The following CDKAL1 variants were observed in gnomAD, a reference collection of about 807,000 sequenced individuals.
CDKAL1 encodes CDKAL1 threonylcarbamoyladenosine tRNA methylthiotransferase.
A neutral mutation model predicts 68.2 loss-of-function variants in CDKAL1; 32 were observed. That is an observed-to-expected ratio of 0.47 (90% CI 0.35 to 0.63). The LOEUF is 0.63. CDKAL1 is among the 30% of genes least tolerant of loss of function. CDKAL1 has a pLI of 0.00. For synonymous variants in CDKAL1, 234 were observed against 244.3 expected, an observed-to-expected ratio of 0.96 and a Z score of 0.39; for missense variants, 606 against 696.7, an observed-to-expected ratio of 0.87 and a Z score of 1.47.
chr6:20,823,860 A>G (rs1223840680), intron 8 of CDKAL1, among the ~76,000 whole-genome samples: 1 of 152,142 alleles, frequency 6.6e-6, no homozygotes, highest in African/African-American at 2.4e-5. Flanking sequence ...AAATAGAATG[A>G]TGTCTTTTGC....
At chr6:21,168,206 T>G (rs1294664592) in intron 13 of CDKAL1, among the ~76,000 whole-genome samples, 1 of 152,184 alleles carries the variant, frequency 6.6e-6, no homozygotes, top group East Asian at 1.9e-4. Context: ...CTGGGGGCAG[T>G]TGAGAACCTC....
intron 5 of CDKAL1, among the ~76,000 whole-genome samples, chr6:20,733,656 G>C (rs991113195): frequency 2.0e-5 from 3 of 152,166 alleles, no homozygotes; most frequent in African/African-American, 4.8e-5. Flanking sequence ...ATTGTTGAAT[G>C]CAATAAGGTT....
At chr6:21,082,234 G>T (rs1384325655) in intron 12 of CDKAL1, among the ~76,000 whole-genome samples, 4 of 151,676 alleles carry the variant, frequency 2.6e-5, no homozygotes, top group Non-Finnish European at 5.9e-5. Context: ...ATAATGACAT[G>T]CCTTCAGAGA....
At chr6:21,011,514 C>A (rs374897184) in intron 11 of CDKAL1, among the ~76,000 whole-genome samples, 1 of 152,074 alleles carries the variant, frequency 6.6e-6, no homozygotes, top group African/African-American at 2.4e-5. Flanking sequence ...GGTTATAGAC[C>A]GTGTGTCTGG....
intron 5 of CDKAL1, among the ~76,000 whole-genome samples, chr6:20,686,416 C>T (rs545059949): frequency 2.0e-5 from 3 of 152,128 alleles, no homozygotes; most frequent in African/African-American, 4.8e-5. Context: ...CACAGGAGCA[C>T]GAACCCTATT....
chr6:21,112,835 T>C (rs1774191720), intron 13 of CDKAL1, among the ~76,000 whole-genome samples: 1 of 152,136 alleles, frequency 6.6e-6, no homozygotes, highest in South Asian at 2.1e-4. Flanking sequence ...AAAAGCCTAT[T>C]TGGGCCCAGA....
intron 11 of CDKAL1, among the ~76,000 whole-genome samples, chr6:21,018,218 G>A (rs1331979832): frequency 6.6e-6 from 1 of 152,168 alleles, no homozygotes; most frequent in Non-Finnish European, 1.5e-5. Flanking sequence ...TGGACTCATA[G>A]CACTTCTTAT....
chr6:20,847,549 A>G (rs1778421492), intron 9 of CDKAL1, among the ~76,000 whole-genome samples: 3 of 152,190 alleles, frequency 2.0e-5, no homozygotes, highest in Admixed American at 2.0e-4. Flanking sequence ...ACTGCATATA[A>G]TTTTTTTAAA....
intron 10 of CDKAL1, among the ~76,000 whole-genome samples, chr6:20,994,279 G>C (rs895419507): frequency 1.3e-5 from 2 of 152,176 alleles, no homozygotes; most frequent in African/African-American, 4.8e-5. Flanking sequence ...AGGAGTTCGA[G>C]ACCAGCCTGG....
chr6:20,843,421 T>C (rs889448229), intron 8 of CDKAL1, among the ~76,000 whole-genome samples: 2 of 152,068 alleles, frequency 1.3e-5, no homozygotes, highest in African/African-American at 2.4e-5. Flanking sequence ...TTATCTGAAA[T>C]GCTTGGAACC....
At chr6:20,764,418 A>C (rs999978892) in intron 7 of CDKAL1, among the ~76,000 whole-genome samples, 1 of 152,012 alleles carries the variant, frequency 6.6e-6, no homozygotes, top group African/African-American at 2.4e-5. Context: ...AGTTTCACCG[A>C]TTTTCTGTTT....
chr6:21,151,280 C>T (rs1218128669), intron 13 of CDKAL1, among the ~76,000 whole-genome samples: 1 of 152,182 alleles, frequency 6.6e-6, no homozygotes, highest in Non-Finnish European at 1.5e-5. Context: ...AAAGGAGAGG[C>T]AACAATAACT....
At chr6:20,842,329 T>C (rs1778204876) in intron 8 of CDKAL1, among the ~76,000 whole-genome samples, 2 of 152,216 alleles carry the variant, frequency 1.3e-5, no homozygotes, top group South Asian at 4.1e-4. Context: ...GAGTTGGTAC[T>C]GTTATAGCAA....
chr6:20,945,798 G>A (rs1210265870), intron 9 of CDKAL1, among the ~76,000 whole-genome samples: 3 of 152,092 alleles, frequency 2.0e-5, no homozygotes, highest in Non-Finnish European at 4.4e-5. Context: ...TTACTGGTCT[G>A]GGTTCCTTTT....
chr6:20,874,001 G>T (rs1396643076), intron 9 of CDKAL1, among the ~76,000 whole-genome samples: 2 of 152,148 alleles, frequency 1.3e-5, no homozygotes, highest in African/African-American at 4.8e-5. Flanking sequence ...AGTCCCAGAT[G>T]GGGGAGCTGT....
At chr6:21,222,377 C>T (rs1006964751) in intron 15 of CDKAL1, among the ~76,000 whole-genome samples, 8 of 152,116 alleles carry the variant, frequency 5.3e-5, no homozygotes, top group African/African-American at 9.7e-5. Context: ...GCTCTAATTG[C>T]GTGACTGTGT....
chr6:20,579,966 G>A (rs1024272282), intron 4 of CDKAL1, among the ~76,000 whole-genome samples: 2 of 152,300 alleles, frequency 1.3e-5, no homozygotes, highest in African/African-American at 4.8e-5. Context: ...AGTAGAGCAC[G>A]TACCTTAAGC....
At chr6:20,599,499 G>A (rs777232162) in intron 4 of CDKAL1, 1 of 339,784 alleles carries the variant, frequency 2.9e-6, no homozygotes, top group Admixed American at 3.8e-5. Context: ...AACACTGGGT[G>A]CTTTATGCAA....
intron 9 of CDKAL1, among the ~76,000 whole-genome samples, chr6:20,923,730 T>C (rs1010549422): frequency 1.3e-5 from 2 of 152,148 alleles, no homozygotes; most frequent in African/African-American, 4.8e-5. Flanking sequence ...AAGCTAGAAA[T>C]GGGCAGGCAT....
Sources: allele counts gnomAD v4.1 joint callset (sites outside exome capture counted in the v4.1 genomes callset), GRCh38; gene constraint gnomAD v4.1.1; transcripts MANE v1.5; gene names NCBI Gene and HGNC (gene_info 2026-07-23, HGNC 2026-07-21).